EYS: variants seen among roughly 807,000 people sequenced by gnomAD.
EYS encodes EGF-like photoreceptor maintenance factor, also known as protein eyes shut homolog.
In EYS, 250 loss-of-function variants were observed where a neutral mutation model predicts 282.1. The observed-to-expected ratio is 0.89, with a 90% CI of 0.80 to 0.98. EYS has a LOEUF of 0.98. Ranked by LOEUF, EYS falls within the 50% of genes least tolerant of loss-of-function variation. EYS has a pLI of 0.00. For missense variants in EYS, 4,016 were observed against 3,709.0 expected (o/e 1.08, Z -2.15); for synonymous variants, 1,355 against 1,282.9 (o/e 1.06, Z -1.20).
At chr6:64,195,043 A>T (rs1765240332) in intron 31 of EYS, among the ~76,000 whole-genome samples, 1 of 151,842 alleles carries the variant, frequency 6.6e-6, no homozygotes, top group Admixed American at 6.6e-5. Context: ...TCTACATTTT[A>T]CTTCTTTTTA....
intron 22 of EYS, among the ~76,000 whole-genome samples, chr6:64,797,386 G>C (rs1774389562): frequency 6.6e-6 from 1 of 152,034 alleles, no homozygotes; most frequent in Admixed American, 6.6e-5. Context: ...CTTTATGCCT[G>C]AACAGTTTGT....
chr6:64,415,490 A>G (rs1467658217), intron 28 of EYS, among the ~76,000 whole-genome samples: 5 of 152,168 alleles, frequency 3.3e-5, no homozygotes, highest in Non-Finnish European at 7.3e-5. Flanking sequence ...CTCTGTCCTA[A>G]TAGAGAATTA....
At chr6:64,822,430 A>G (rs1764925159) in intron 20 of EYS, among the ~76,000 whole-genome samples, 1 of 152,012 alleles carries the variant, frequency 6.6e-6, no homozygotes, top group Admixed American at 6.6e-5. Context: ...ATAGAAAATT[A>G]CTTTATGCTA....
chr6:64,224,969 G>GTA (rs1403320837), intron 31 of EYS, among the ~76,000 whole-genome samples: 1 of 152,004 alleles, frequency 6.6e-6, no homozygotes. Flanking sequence ...CACAGGCAGT[G>GTA]GGTTAGCATA....
In EYS at chr6:64,217,695, G is replaced by T. The variant is rs1433918708; in HGVS notation, c.6424+12897C>A. 6.6e-5 allele frequency among the ~76,000 whole-genome samples: 10 copies of T among 151,924 alleles called. No homozygotes were observed. The East Asian group carries it at 1.9e-3, about 29-fold the overall frequency. ...AAATTCTTATTAAATTTTCCAAACT[G>T]CAAACAATGGGTGATAACTACCTCC... is the stretch of plus-strand genomic sequence containing the variant. On this transcript the variant is annotated intron_variant, in intron 31 of 42. Coordinates refer to ENST00000503581, the MANE Select transcript of EYS (RefSeq NM_001142800.2).
Position 63,829,211 on chromosome 6 carries a change from C to T in EYS, c.7229-22839G>A, listed in dbSNP as rs149680400. On this transcript the variant is annotated intron_variant, in intron 36 of 42. Coordinates refer to ENST00000503581, the MANE Select transcript of EYS (RefSeq NM_001142800.2). ...GCATTTCCAACTGAGGTACCGGGTT[C>T]GTCTCACTGGGGCTTGTCAGATAGT... 3.7e-4 allele frequency among the ~76,000 whole-genome samples: 56 copies of T among 152,282 alleles called. 1 individual carries two copies. In the East Asian group the frequency reaches 8.5e-3, roughly 23 times the overall value.
At chr6:64,324,322 T>C (rs114231580) in intron 29 of EYS, among the ~76,000 whole-genome samples, 4,738 of 152,252 alleles carry the variant, frequency 0.031, 234 homozygotes, top group African/African-American at 0.11. Flanking sequence ...GCAAAGTTGG[T>C]TCAACATATG....
At chr6:64,801,482 AT>A (rs964441369) in intron 22 of EYS, among the ~76,000 whole-genome samples, 30 of 151,904 alleles carry the variant, frequency 2.0e-4, no homozygotes, top group Non-Finnish European at 2.8e-4. Flanking sequence ...ATAATTTAAC[AT>A]TTTTTTTGTA....
At chr6:64,417,304 A>G (rs1406067926) in intron 28 of EYS, among the ~76,000 whole-genome samples, 2 of 152,116 alleles carry the variant, frequency 1.3e-5, no homozygotes, top group Non-Finnish European at 2.9e-5. Flanking sequence ...GCATTTAACA[A>G]ATGAGAGATT....
At chr6:65,116,582 A>C (rs757583941) in intron 12 of EYS, among the ~76,000 whole-genome samples, 4 of 152,106 alleles carry the variant, frequency 2.6e-5, no homozygotes, top group Non-Finnish European at 5.9e-5. Context: ...GGAACTGCTT[A>C]TGGCTCCTCC....
At chr6:64,365,199 A>G (rs1772147138) in intron 29 of EYS, among the ~76,000 whole-genome samples, 4 of 152,014 alleles carry the variant, frequency 2.6e-5, no homozygotes, top group Admixed American at 2.6e-4. Context: ...AGAATGAGCT[A>G]CTGGCTAGCA....
intron 29 of EYS, among the ~76,000 whole-genome samples, chr6:64,322,634 T>C (rs1474883690): frequency 1.3e-5 from 2 of 152,026 alleles, no homozygotes; most frequent in Non-Finnish European, 2.9e-5. Flanking sequence ...AGTTTTGTGG[T>C]TGAGGTGAAG....
chr6:65,575,048 G>A (rs758481503), intron 2 of EYS, among the ~76,000 whole-genome samples: 10 of 152,116 alleles, frequency 6.6e-5, no homozygotes, highest in East Asian at 3.9e-4. Context: ...ATGGCTGGAC[G>A]TGGTGGCTCA....
chr6:65,292,504 T>A (rs1253496740), intron 12 of EYS, among the ~76,000 whole-genome samples: 2 of 151,764 alleles, frequency 1.3e-5, no homozygotes, highest in Non-Finnish European at 1.5e-5. Flanking sequence ...TCTTGGGCAG[T>A]GTGATCACTC....
At chr6:64,390,007 G>T (rs1444890530) in intron 28 of EYS, among the ~76,000 whole-genome samples, 1 of 149,588 alleles carries the variant, frequency 6.7e-6, no homozygotes, top group Non-Finnish European at 1.5e-5. Context: ...AAAGAAAGGG[G>T]TGATGGATGG....
chr6:65,066,140 C>T (rs1288647400), intron 12 of EYS, among the ~76,000 whole-genome samples: 1 of 152,030 alleles, frequency 6.6e-6, no homozygotes, highest in African/African-American at 2.4e-5. Context: ...ATTCTGGATC[C>T]CACAGAGATT....
chr6:65,320,439 G>T (rs1459378203), intron 11 of EYS, among the ~76,000 whole-genome samples: 1 of 152,144 alleles, frequency 6.6e-6, no homozygotes, highest in Non-Finnish European at 1.5e-5. Context: ...GAGATGATGA[G>T]TATCAGTTGC....
chr6:64,868,825 T>G (rs1017353065), intron 19 of EYS, among the ~76,000 whole-genome samples: 1 of 151,548 alleles, frequency 6.6e-6, no homozygotes, highest in Non-Finnish European at 1.5e-5. Flanking sequence ...ACAATTTGAG[T>G]ACTACCTTTG....
intron 22 of EYS, among the ~76,000 whole-genome samples, chr6:64,656,714 T>C (rs1377559359): frequency 6.6e-6 from 1 of 152,076 alleles, no homozygotes; most frequent in African/African-American, 2.4e-5. Context: ...CCATCAGTAA[T>C]TGTTGGGGGC....
Sources: gnomAD v4.1 joint callset for allele counts (sites outside exome capture counted in the v4.1 genomes callset) on GRCh38, gnomAD v4.1.1 for gene constraint, MANE v1.5 for transcripts, NCBI Gene and HGNC (gene_info 2026-07-23, HGNC 2026-07-21) for gene names.